DIXDC1: variants seen among roughly 807,000 people sequenced by gnomAD.
The protein encoded by DIXDC1 is DIX domain containing 1.
DIXDC1 carries 64 observed loss-of-function variants against 103.1 expected under a neutral mutation model. That is an observed-to-expected ratio of 0.62 (90% confidence interval 0.51 to 0.76). The LOEUF (loss-of-function observed/expected upper bound fraction) is 0.76, where lower values mean the gene tolerates loss of function less well. DIXDC1 is among the 30% of genes least tolerant of loss of function. The probability of loss-of-function intolerance (pLI) is 0.00; values close to 1 mark genes in which losing one functional copy is unlikely to be tolerated. For synonymous variants in DIXDC1, 266 were observed against 298.5 expected, an observed-to-expected ratio of 0.89 and a Z score of 1.12; for missense variants, 759 against 834.2, an observed-to-expected ratio of 0.91 and a Z score of 1.11.
rs1165133767 is a variant in DIXDC1, at chr11:112,013,326, GT to G, written c.1757-3364del. ...GAAGTTGACGGGTCGGGGGGTGGGG[GT>G]GGGGTGGGGGGGGGGAACAAATTCA... On this transcript the variant is annotated intron_variant, in intron 17 of 19. Transcript: ENST00000440460. Among the ~76,000 whole-genome samples, 396 of 118,862 alleles carry G rather than the reference GT, an allele frequency of 3.3e-3. 19 individuals are homozygous for G. Among genetic ancestry groups the G allele is most frequent in the African/African-American group, 0.012 (329 of 28,434 alleles). 78.0% of individuals were successfully genotyped at this position (118,862 alleles called of 152,430 possible).
chr11:111,947,493 A>T (rs1966636582), intron 1 of DIXDC1, among the ~76,000 whole-genome samples: 1 of 152,230 alleles, frequency 6.6e-6, no homozygotes, highest in Non-Finnish European at 1.5e-5. Context: ...GCTGGCCTTC[A>T]CAAGTGTCTA....
At chr11:111,933,457 T>C (rs2137425569), upstream of DIXDC1, among the ~76,000 whole-genome samples, 1 of 152,208 alleles carries the variant, frequency 6.6e-6, no homozygotes, top group Middle Eastern at 3.4e-3. Context: ...TTTGAGGCAG[T>C]GTCTCACTCT....
intron 10 of DIXDC1, among the ~76,000 whole-genome samples, chr11:111,990,898 G>T: frequency 6.6e-6 from 1 of 152,062 alleles, no homozygotes; most frequent in East Asian, 1.9e-4. Context: ...GTAGAGACGG[G>T]GTTTCACCAT....
At chr11:111,975,575 C>A in intron 5 of DIXDC1, 1 of 985,692 alleles carries the variant, frequency 1.0e-6, no homozygotes, top group Non-Finnish European at 1.2e-6. Context: ...CTAATAAAAA[C>A]CTTATCAGTG....
intron 2 of DIXDC1, among the ~76,000 whole-genome samples, chr11:111,967,640 C>A (rs1859782418): frequency 6.6e-6 from 1 of 152,160 alleles, no homozygotes; most frequent in African/African-American, 2.4e-5. Context: ...CCATCTTGCC[C>A]AGGCTAGTCT....
intron 1 of DIXDC1, among the ~76,000 whole-genome samples, chr11:111,944,627 A>T (rs1407213523): frequency 6.6e-6 from 1 of 152,244 alleles, no homozygotes; most frequent in Non-Finnish European, 1.5e-5. Context: ...ACCTAAAATC[A>T]TAGGGTTATT....
At position 111,982,413 on chromosome 11, in the gene DIXDC1, G is replaced by A. The variant is rs1555173344; in HGVS notation, c.844G>A (p.Glu282Lys). Reference sequence around the variant, plus strand: ...AACCTATCTGGAGACCTCATGGGAAGAACAGCTGTTGGAACAACAAGAATA... The same window carrying A: ...AACCTATCTGGAGACCTCATGGGAAAAACAGCTGTTGGAACAACAAGAATA... ...PGTYLETSWE[E>K]QLLEQQEYLE... is the part of the protein sequence containing the mutation. Residue 282 changes from glutamate to lysine, a missense_variant, in exon 7 of 20, where the codon GAA becomes AAA. By Grantham distance (56) the Glu-to-Lys change is moderately conservative. Around this residue, in one of 3 missense-constraint regions of DIXDC1, gnomAD observed 657 missense variants for 727.5 expected, o/e 0.90. Transcript: ENST00000440460. The A allele has an allele frequency of 6.2e-7, 1 of 1,613,960 alleles. No individual in the cohort carries two copies. Among genetic ancestry groups the A allele is most frequent in the East Asian group, 2.2e-5 (1 of 44,886 alleles).
intron 17 of DIXDC1, among the ~76,000 whole-genome samples, chr11:112,008,504 ATTC>A (rs1439913145): frequency 3.3e-5 from 5 of 152,228 alleles, no homozygotes; most frequent in African/African-American, 9.7e-5. Flanking sequence ...CAGAATATAC[ATTC>A]TTCTTAGCAC....
chr11:112,017,862 G>T lies in DIXDC1; in HGVS notation c.1948G>T (p.Glu650Ter). ...GTATCACTTCAAAGCACTGGATCCT[G>T]AGTTTGGCACTGTCAAAGAGGAGGT... ...HRYHFKALDP[E>*]FGTVKEEIFH... is the part of the protein sequence containing the mutation. Residue 650 changes from glutamate (E) to a stop codon, truncating the protein, a stop_gained, in exon 19 of 20, where the codon GAG becomes TAG. Transcript: ENST00000440460. LOFTEE classifies it high-confidence loss of function. The surrounding 1 kb of genome is among the most constrained non-coding windows in gnomAD (Gnocchi z 4.0). 1 of 1,610,390 alleles carries T rather than the reference G, an allele frequency of 6.2e-7. No homozygotes were observed. The highest frequency in any genetic ancestry group is 8.5e-7 in the Non-Finnish European group (1 of 1,177,980).
chr11:111,996,898 G>A (rs1415011691), intron 17 of DIXDC1, among the ~76,000 whole-genome samples: 1 of 152,124 alleles, frequency 6.6e-6, no homozygotes, highest in East Asian at 1.9e-4. Context: ...TTTAAGTCCT[G>A]CAAAATGTTT....
chr11:111,961,061 T>C (rs587647978), intron 1 of DIXDC1, among the ~76,000 whole-genome samples: 1 of 152,342 alleles, frequency 6.6e-6, no homozygotes, highest in Admixed American at 6.5e-5. Flanking sequence ...CATGTGCATA[T>C]GAATCACCAG....
upstream of DIXDC1, chr11:111,937,292 C>A: frequency 7.5e-7 from 1 of 1,328,696 alleles, no homozygotes; most frequent in Non-Finnish European, 9.6e-7. Context: ...GCGACCGCGC[C>A]GGGCCCCTCC....
At position 111,992,934 on chromosome 11, in the gene DIXDC1, C is replaced by T. The variant is rs1860753698; in HGVS notation, c.1219-17C>T. On this transcript the variant is annotated splice_polypyrimidine_tract_variant and intron_variant, in intron 11 of 19. Coordinates refer to ENST00000440460, the MANE Select transcript of DIXDC1 (RefSeq NM_001037954.4). The stretch of plus-strand genomic sequence containing the variant: ...AGGCAGTACCTGCGTGCCATGAATT[C>T]TTTCTTATTCTTGCAGGTGGATCTG... The T allele has an allele frequency of 6.2e-7, 1 of 1,601,402 alleles. No individual in the cohort carries two copies. Among genetic ancestry groups the T allele is most frequent in the African/African-American group, 1.3e-5 (1 of 74,788 alleles).
At chr11:111,960,594 TAA>T (rs57035300) in intron 1 of DIXDC1, among the ~76,000 whole-genome samples, 11,695 of 139,614 alleles carry the variant, frequency 0.084, 1,341 homozygotes, top group African/African-American at 0.26. Context: ...AACTCTGTCT[TAA>T]AAAAAAAAAA....
At chr11:111,962,359 G>T (rs970613647) in intron 1 of DIXDC1, among the ~76,000 whole-genome samples, 3 of 152,024 alleles carry the variant, frequency 2.0e-5, no homozygotes, top group African/African-American at 7.2e-5. Context: ...GCAGGCACCC[G>T]TAGTCCCAGC....
chr11:112,008,871 A>G (rs951457158), intron 17 of DIXDC1, among the ~76,000 whole-genome samples: 4 of 152,226 alleles, frequency 2.6e-5, no homozygotes, highest in African/African-American at 7.2e-5. Context: ...TCTAAAATCG[A>G]CACCTTAACA....
chr11:111,934,684 T>C (rs1331396023), upstream of DIXDC1, among the ~76,000 whole-genome samples: 1 of 152,208 alleles, frequency 6.6e-6, no homozygotes, highest in Non-Finnish European at 1.5e-5. Flanking sequence ...TAAAGCTCAG[T>C]TCTTCATCTG....
intron 1 of DIXDC1, chr11:111,945,638 C>T (rs1315163536): frequency 6.6e-6 from 1 of 151,830 alleles, no homozygotes; most frequent in Non-Finnish European, 1.5e-5. Context: ...TGCGAAAGAG[C>T]TTCATTTATT....
At chr11:111,941,927 G>A (rs1966435109) in intron 1 of DIXDC1, among the ~76,000 whole-genome samples, 1 of 152,134 alleles carries the variant, frequency 6.6e-6, no homozygotes, top group African/African-American at 2.4e-5. Context: ...TAGAGTGAGT[G>A]AGGAAGAAGA....
Sources: allele counts gnomAD v4.1 joint callset (sites outside exome capture counted in the v4.1 genomes callset), GRCh38; gene constraint gnomAD v4.1.1; regional missense constraint gnomAD v4.1.1; non-coding constraint Gnocchi (gnomAD v3.1); transcripts MANE v1.5; gene names NCBI Gene and HGNC (gene_info 2026-07-23, HGNC 2026-07-21).